CEP120: variants seen among roughly 807,000 people sequenced by gnomAD.
CEP120 encodes the protein centrosomal protein 120, also known as centrosomal protein of 120 kDa.
CEP120 carries 113 observed loss-of-function variants against 126.5 expected under a neutral mutation model. The observed-to-expected ratio is 0.89, with a 90% CI of 0.77 to 1.04. The LOEUF (loss-of-function observed/expected upper bound fraction) is 1.04, where lower values mean the gene tolerates loss of function less well. CEP120 is among the 50% of genes least tolerant of loss of function. CEP120 has a pLI of 0.00. For synonymous variants in CEP120, 400 were observed against 394.3 expected, an observed-to-expected ratio of 1.01 and a Z score of -0.17; for missense variants, 1,230 against 1,155.7, an observed-to-expected ratio of 1.06 and a Z score of -0.93.
intron 4 of CEP120, among the ~76,000 whole-genome samples, chr5:123,406,684 AG>A (rs199759427): frequency 0.023 from 3,556 of 151,970 alleles, 137 homozygotes; most frequent in African/African-American, 0.08. Context: ...ATAAAAATTG[AG>A]GGCATTTGTT....
intron 15 of CEP120, 35 bp from the exon 16 acceptor site, chr5:123,377,570 T>C: frequency 6.6e-7 from 1 of 1,525,754 alleles, no homozygotes; most frequent in Non-Finnish European, 8.8e-7. Context: ...GGTTGGTTTA[T>C]TGCTAGCTGC....
Position 123,423,326 on chromosome 5 carries a change from A to G in CEP120, c.-328T>C, listed in dbSNP as rs1386149124. On this transcript the variant is annotated 5_prime_UTR_variant, in exon 1 of 20. Coordinates refer to ENST00000306467, the MANE Select transcript of CEP120 (RefSeq NM_001375405.1). ...GCTTTTCAAACGCCCGGGCGGCCGC[A>G]GCGGCCGCCGCCGCGCCCAGCTTCC... 1.7e-5 allele frequency: 6 copies of G among 344,644 alleles called. No individual in the cohort carries two copies. The East Asian group carries it at 3.0e-4, about 17-fold the overall frequency. 21.3% of individuals were successfully genotyped at this position (344,644 alleles called of 1,614,324 possible).
Position 123,346,626 on chromosome 5 carries a change from T to C in CEP120, c.2854A>G (p.Arg952Gly). The change falls in exon 20 of 20, where the codon AGG (arginine) becomes GGG (glycine). Residue 952 changes from arginine (R) to glycine (G), a missense_variant. Coordinates refer to ENST00000306467, the MANE Select transcript of CEP120 (RefSeq NM_001375405.1). ...DDYLTRLIEE[R>G]DTLMRTGVYN... ...ACACCCGTTCTCATCAAAGTATCCCTTTCTTCTATCAGGCGAGTCAAATAA... is the reference window on the plus strand; with the variant it reads ...ACACCCGTTCTCATCAAAGTATCCCCTTCTTCTATCAGGCGAGTCAAATAA... The C allele has an allele frequency of 6.2e-7, 1 of 1,613,994 alleles. No individual in the cohort carries two copies. Among genetic ancestry groups the C allele is most frequent in the Non-Finnish European group, 8.5e-7 (1 of 1,179,936 alleles).
intron 2 of CEP120, among the ~76,000 whole-genome samples, chr5:123,416,552 C>A (rs980395194): frequency 4.0e-5 from 6 of 151,864 alleles, no homozygotes; most frequent in African/African-American, 1.5e-4. Flanking sequence ...GCCTGGGTGA[C>A]AGATCAAGAC....
At chr5:123,399,745 A>G (rs1414442832) in intron 4 of CEP120, among the ~76,000 whole-genome samples, 2 of 152,222 alleles carry the variant, frequency 1.3e-5, no homozygotes, top group East Asian at 3.8e-4. Flanking sequence ...TCACAGAGTG[A>G]GAACCGACAT....
In CEP120 at chr5:123,400,006, C is replaced by T. The variant is rs142308837; in HGVS notation, c.464-722G>A. On this transcript the variant is annotated intron_variant, in intron 4 of 19. Transcript: ENST00000306467. ...TGATAATATCCAATGTTGAGGAGAA[C>T]GCAGGAAAGTGAATGCTCTCAATGT... is the stretch of plus-strand genomic sequence containing the variant. Among the ~76,000 whole-genome samples, 584 of 152,156 alleles carry T rather than the reference C, an allele frequency of 3.8e-3. 3 individuals carry two copies. The highest frequency in any genetic ancestry group is 5.9e-3 in the Non-Finnish European group (404 of 68,000).
intron 11 of CEP120, among the ~76,000 whole-genome samples, chr5:123,384,147 T>G (rs1771857734): frequency 6.6e-6 from 1 of 152,164 alleles, no homozygotes; most frequent in African/African-American, 2.4e-5. Context: ...TTAGTGATTT[T>G]ATTATCTTCT....
intron 18 of CEP120, among the ~76,000 whole-genome samples, chr5:123,360,913 T>C (rs750870105): frequency 3.3e-5 from 5 of 151,812 alleles, no homozygotes; most frequent in Non-Finnish European, 5.9e-5. Context: ...CTACCTCAAA[T>C]GGTGAAAAAC....
intron 1 of CEP120, among the ~76,000 whole-genome samples, chr5:123,422,114 T>C (rs1018900547): frequency 5.3e-5 from 8 of 152,228 alleles, no homozygotes; most frequent in Middle Eastern, 3.2e-3. Context: ...AACCAATGTT[T>C]ACTGAGTGAA....
intron 14 of CEP120, among the ~76,000 whole-genome samples, chr5:123,381,496 T>A (rs966300527): frequency 6.6e-6 from 1 of 152,098 alleles, no homozygotes; most frequent in East Asian, 1.9e-4. Flanking sequence ...AGAAAGTCTG[T>A]TAGGGTTGTT....
rs1433494451 is a variant in CEP120, at chr5:123,423,021, G to T, written c.-23C>A. On this transcript the variant is annotated 5_prime_UTR_variant, in exon 1 of 20. Coordinates refer to ENST00000306467, the MANE Select transcript of CEP120 (RefSeq NM_001375405.1). ...CATGGTTGCGGTGAGCGGTCCGGGG[G>T]CGAAGGCGGCTGGGGGGAAGTGAGG... is the stretch of plus-strand genomic sequence containing the variant. The T allele has an allele frequency of 9.9e-6, 16 of 1,611,288 alleles. No individual in the cohort carries two copies. Among genetic ancestry groups the T allele is most frequent in the Non-Finnish European group, 1.3e-5 (15 of 1,177,680 alleles).
chr5:123,422,647 AC>A (rs1462577460), intron 1 of CEP120: 1 of 1,037,766 alleles, frequency 9.6e-7, no homozygotes. Context: ...TCTCAGGACC[AC>A]GTTCAGCTCA....
chr5:123,399,292 G>A lies in CEP120; in HGVS notation c.464-8C>T, dbSNP rs371434084. The A allele has an allele frequency of 1.6e-5, 26 of 1,612,684 alleles. No homozygotes were observed. The highest frequency in any genetic ancestry group is 2.1e-5 in the Non-Finnish European group (25 of 1,179,340). ...CAGCCAGGATGGCAGGTACTTTACA[G>A]AGAAAAACACGATTAAACTACATTG... On this transcript the variant is annotated splice_polypyrimidine_tract_variant and splice_region_variant and intron_variant, in intron 4 of 19. Coordinates refer to ENST00000306467, the MANE Select transcript of CEP120 (RefSeq NM_001375405.1).
At chr5:123,417,439 G>C (rs1774458790) in intron 2 of CEP120, among the ~76,000 whole-genome samples, 1 of 151,972 alleles carries the variant, frequency 6.6e-6, no homozygotes, top group Non-Finnish European at 1.5e-5. Flanking sequence ...CCTGCTTCTA[G>C]TCAGAGTTCA....
intron 14 of CEP120, among the ~76,000 whole-genome samples, chr5:123,381,674 T>G (rs1771657193): frequency 6.6e-6 from 1 of 152,076 alleles, no homozygotes; most frequent in Non-Finnish European, 1.5e-5. Flanking sequence ...AATATGTAGT[T>G]TTATATATAT....
At chr5:123,405,918 T>C (rs1039510656) in intron 4 of CEP120, among the ~76,000 whole-genome samples, 1 of 152,148 alleles carries the variant, frequency 6.6e-6, no homozygotes. Flanking sequence ...AATTTTTAAC[T>C]ATGATTAATA....
intron 4 of CEP120, 127 bp downstream of exon 4, chr5:123,412,269 CAAT>C: frequency 1.3e-6 from 1 of 770,508 alleles, no homozygotes; most frequent in Non-Finnish European, 1.9e-6. Flanking sequence ...GCATGTGTAA[CAAT>C]GTCACAATAT....
intron 18 of CEP120, among the ~76,000 whole-genome samples, chr5:123,354,244 A>T (rs1237340357): frequency 6.6e-6 from 1 of 152,074 alleles, no homozygotes; most frequent in Admixed American, 6.6e-5. Context: ...TTTCTAGCTA[A>T]ATATCACTGT....
chr5:123,359,247 T>C (rs1769887921), intron 18 of CEP120, among the ~76,000 whole-genome samples: 1 of 152,030 alleles, frequency 6.6e-6, no homozygotes, highest in African/African-American at 2.4e-5. Flanking sequence ...CCCACAATCC[T>C]TCCCAAAACA....
Sources: allele counts gnomAD v4.1 joint callset (sites outside exome capture counted in the v4.1 genomes callset), GRCh38; gene constraint gnomAD v4.1.1; transcripts MANE v1.5; gene names NCBI Gene and HGNC (gene_info 2026-07-23, HGNC 2026-07-21).